The following HDAC9 variants were observed in gnomAD, a reference collection of about 807,000 sequenced individuals.
The protein encoded by HDAC9 is histone deacetylase 9, also known as MEF-2 interacting transcription repressor (MITR) protein.
HDAC9 carries 41 observed loss-of-function variants against 139.4 expected under a neutral mutation model. The ratio of observed to expected loss-of-function variants is 0.29; its 90% CI spans 0.23 to 0.38. The LOEUF is 0.38. Among genes scored for constraint, HDAC9 ranks in the 10% least tolerant of loss-of-function variants. HDAC9 has a pLI of 1.00. For missense variants in HDAC9, 1,147 were observed against 1,297.0 expected, an observed-to-expected ratio of 0.88 and a Z score of 1.78; for synonymous variants, 517 against 476.2, an observed-to-expected ratio of 1.09 and a Z score of -1.12.
intron 1 of HDAC9, among the ~76,000 whole-genome samples, chr7:18,410,925 G>A (rs1234888027): frequency 6.6e-6 from 1 of 152,116 alleles, no homozygotes; most frequent in Non-Finnish European, 1.5e-5. Flanking sequence ...AATGTTATAG[G>A]AAAGAAGTAA....
upstream of HDAC9, among the ~76,000 whole-genome samples, chr7:18,492,935 T>C (rs892643130): frequency 6.6e-6 from 1 of 151,960 alleles, no homozygotes; most frequent in African/African-American, 2.4e-5. Context: ...TATTTTTTCA[T>C]TATCAAGAGT....
At chr7:18,639,753 T>G (rs1784989359) in intron 8 of HDAC9, among the ~76,000 whole-genome samples, 1 of 152,052 alleles carries the variant, frequency 6.6e-6, no homozygotes, top group Non-Finnish European at 1.5e-5. Flanking sequence ...ACTTGGGACC[T>G]TGTAAAGCCA....
intron 2 of HDAC9, among the ~76,000 whole-genome samples, chr7:18,547,410 T>G (rs953849793): frequency 2.6e-5 from 4 of 152,190 alleles, no homozygotes; most frequent in Non-Finnish European, 1.5e-5. Context: ...TAATCTTTTG[T>G]ATTTTTAGTG....
At chr7:18,333,240 A>G (rs984403927) in intron 1 of HDAC9, among the ~76,000 whole-genome samples, 7 of 151,560 alleles carry the variant, frequency 4.6e-5, no homozygotes, top group Admixed American at 1.3e-4. Context: ...AGTCTTTACC[A>G]TTGGATGGGG....
At chr7:18,900,778 A>G (rs1801629566) in intron 22 of HDAC9, among the ~76,000 whole-genome samples, 1 of 152,132 alleles carries the variant, frequency 6.6e-6, no homozygotes, top group Non-Finnish European at 1.5e-5. Flanking sequence ...CTGGTGACAT[A>G]AAGCAATAAG....
intron 21 of HDAC9, among the ~76,000 whole-genome samples, chr7:18,854,579 GA>G (rs1797535891): frequency 6.6e-6 from 1 of 151,738 alleles, no homozygotes; most frequent in South Asian, 2.1e-4. Flanking sequence ...GGAGGGTAGA[GA>G]AAATATAGAA....
intron 12 of HDAC9, among the ~76,000 whole-genome samples, chr7:18,713,166 A>G (rs1472491965): frequency 2.0e-5 from 3 of 152,216 alleles, no homozygotes; most frequent in African/African-American, 7.2e-5. Flanking sequence ...TAATTGTGAG[A>G]AATGAGTGTC....
At chr7:18,256,267 G>A (rs576357067) in intron 2 of HDAC9, among the ~76,000 whole-genome samples, 1 of 152,170 alleles carries the variant, frequency 6.6e-6, no homozygotes, top group Non-Finnish European at 1.5e-5. Flanking sequence ...GGTGGTAGGT[G>A]AAGTGAGGAA....
At chr7:18,107,619 C>G (rs1188451030) in intron 1 of HDAC9, among the ~76,000 whole-genome samples, 1 of 152,088 alleles carries the variant, frequency 6.6e-6, no homozygotes, top group Non-Finnish European at 1.5e-5. Flanking sequence ...TTTTTCTCAA[C>G]CTATACACCT....
At chr7:18,450,812 T>C (rs758625490) in intron 1 of HDAC9, among the ~76,000 whole-genome samples, 1 of 152,186 alleles carries the variant, frequency 6.6e-6, no homozygotes, top group Non-Finnish European at 1.5e-5. Context: ...GTCAGCTTCT[T>C]AATCAGAAGG....
chr7:18,236,829 A>G (rs1584778290), intron 2 of HDAC9, among the ~76,000 whole-genome samples: 3 of 152,150 alleles, frequency 2.0e-5, no homozygotes, highest in Admixed American at 1.3e-4. Flanking sequence ...CTTTGGCACC[A>G]TGGACTCTGG....
chr7:18,247,716 C>G (rs1794648177), intron 2 of HDAC9, among the ~76,000 whole-genome samples: 1 of 152,074 alleles, frequency 6.6e-6, no homozygotes, highest in Admixed American at 6.5e-5. Flanking sequence ...CATTTCTTTG[C>G]AAAATATTGT....
chr7:18,178,150 C>G (rs1163369507), intron 2 of HDAC9, among the ~76,000 whole-genome samples: 1 of 148,822 alleles, frequency 6.7e-6, no homozygotes, highest in Non-Finnish European at 1.5e-5. Context: ...GTGGCACAAT[C>G]TTGGCTTACT....
chr7:18,498,198 A>G (rs1014886019), intron 2 of HDAC9, among the ~76,000 whole-genome samples: 3 of 151,944 alleles, frequency 2.0e-5, no homozygotes, highest in Non-Finnish European at 4.4e-5. Flanking sequence ...AAACAATTAC[A>G]CCCTTCCTGC....
intron 22 of HDAC9, among the ~76,000 whole-genome samples, chr7:18,897,583 A>T (rs1801322519): frequency 6.6e-6 from 1 of 151,930 alleles, no homozygotes; most frequent in Admixed American, 6.6e-5. Flanking sequence ...AGGTCATATC[A>T]ATTCAACCAT....
At chr7:18,503,372 G>C (rs893950120) in intron 2 of HDAC9, among the ~76,000 whole-genome samples, 1 of 152,112 alleles carries the variant, frequency 6.6e-6, no homozygotes, top group African/African-American at 2.4e-5. Flanking sequence ...AACTAAGTTG[G>C]TTGCACAAAA....
intron 1 of HDAC9, among the ~76,000 whole-genome samples, chr7:18,441,120 G>T (rs1218635336): frequency 6.6e-6 from 1 of 152,132 alleles, no homozygotes; most frequent in Non-Finnish European, 1.5e-5. Context: ...AAAGCTGAAG[G>T]GATACCCCAG....
chr7:18,885,902 T>C (rs1277255089), intron 22 of HDAC9, among the ~76,000 whole-genome samples: 1 of 152,162 alleles, frequency 6.6e-6, no homozygotes, highest in Non-Finnish European at 1.5e-5. Flanking sequence ...TCAAAATTCC[T>C]GCAAACCAGT....
intron 2 of HDAC9, among the ~76,000 whole-genome samples, chr7:18,576,143 G>T (rs1480330110): frequency 3.3e-5 from 5 of 152,178 alleles, no homozygotes; most frequent in Admixed American, 2.6e-4. Flanking sequence ...TGAGACCCTG[G>T]AGTGCATAAC....
Sources: allele counts gnomAD v4.1 joint callset (sites outside exome capture counted in the v4.1 genomes callset), GRCh38; gene constraint gnomAD v4.1.1; transcripts MANE v1.5; gene names NCBI Gene and HGNC (gene_info 2026-07-23, HGNC 2026-07-21).